LRRC71: variants seen among roughly 807,000 people sequenced by gnomAD.
LRRC71 encodes the protein leucine-rich repeat-containing protein 71.
LRRC71 carries 54 observed loss-of-function variants against 66.6 expected under a neutral mutation model. That is an observed-to-expected ratio of 0.81 (90% CI 0.65 to 1.02). The LOEUF (loss-of-function observed/expected upper bound fraction) is 1.02, where lower values mean the gene tolerates loss of function less well. Ranked by LOEUF, LRRC71 falls within the 50% of genes least tolerant of loss-of-function variation. The probability of loss-of-function intolerance (pLI) is 0.00; values close to 1 mark genes in which losing one functional copy is unlikely to be tolerated. For missense variants in LRRC71, 724 were observed against 718.0 expected (o/e 1.01, Z -0.10); for synonymous variants, 323 against 303.9 (o/e 1.06, Z -0.65).
intron 10 of LRRC71, 93 bp from the exon 11 acceptor site, chr1:156,929,543 A>G: frequency 6.5e-7 from 1 of 1,545,142 alleles, no homozygotes; most frequent in Non-Finnish European, 8.8e-7. Flanking sequence ...AGTTCCCCCT[A>G]AGGCCCCGGG....
At chr1:156,932,085 C>A in intron 13 of LRRC71, 58 bp downstream of exon 13, 3 of 1,377,738 alleles carry the variant, frequency 2.2e-6, no homozygotes, top group Non-Finnish European at 3.0e-6. Flanking sequence ...CCCTGTCCTG[C>A]CTGAGGGTGT....
In LRRC71 at chr1:156,923,947, A is replaced by G; in HGVS notation, c.161-2A>G. ...CTCTCACGCCCCTGCCTGCCCCCGC[A>G]GAGGAGTACCAGTGCTCCGGGGTCC... On this transcript the variant is annotated splice_acceptor_variant, in intron 1 of 14. Coordinates refer to ENST00000337428, the MANE Select transcript of LRRC71 (RefSeq NM_144702.3). LOFTEE classifies it high-confidence loss of function. 1 of 1,485,510 alleles carries G rather than the reference A, an allele frequency of 6.7e-7. No individual in the cohort carries two copies. Among genetic ancestry groups the G allele is most frequent in the Non-Finnish European group, 9.0e-7 (1 of 1,112,710 alleles). 92.0% of individuals were successfully genotyped at this position (1,485,510 alleles called of 1,614,324 possible).
chr1:156,927,085 G>T, intron 5 of LRRC71, 117 bp from the exon 6 acceptor site: 5 of 809,368 alleles, frequency 6.2e-6, no homozygotes, highest in Non-Finnish European at 1.0e-5. Flanking sequence ...TATTGGGGGG[G>T]CAATCCTTTG....
the LRRC71 span, chr1:156,940,076 CT>C: frequency 7.1e-7 from 1 of 1,398,936 alleles, no homozygotes; most frequent in East Asian, 2.4e-5. Context: ...TGACATCTGT[CT>C]CCGCATCCAT....
rs113066082 is a variant in LRRC71, at chr1:156,931,575, C to T, written c.1330-341C>T. 1.3e-3 allele frequency among the ~76,000 whole-genome samples: 198 copies of T among 152,272 alleles called. 1 individual carries two copies. The highest frequency in any genetic ancestry group is 4.5e-3 in the African/African-American group (185 of 41,552). ...TTTCACGCTTCCAGAGCCTTTGCAC[C>T]TGCTTTCTTTGCCTAGAACACCTTT... On this transcript the variant is annotated intron_variant, in intron 12 of 14. Coordinates refer to ENST00000337428, the MANE Select transcript of LRRC71 (RefSeq NM_144702.3).
intron 1 of LRRC71, among the ~76,000 whole-genome samples, chr1:156,921,202 G>C (rs1269141201): frequency 6.6e-6 from 1 of 152,214 alleles, no homozygotes; most frequent in African/African-American, 2.4e-5. Flanking sequence ...AGGCCCAGGG[G>C]GTGAGGGCAT....
chr1:156,924,518 G>T lies in LRRC71; in HGVS notation c.405G>T (p.Glu135Asp). 1 of 1,551,516 alleles carries T rather than the reference G, an allele frequency of 6.4e-7. No individual in the cohort carries two copies. Among genetic ancestry groups the T allele is most frequent in the Non-Finnish European group, 8.7e-7 (1 of 1,147,002 alleles). Residue 135 changes from glutamate (E) to aspartate (D), a missense_variant, in exon 3 of 15, where the codon GAG becomes GAT. By Grantham distance (45) the Glu-to-Asp change is conservative (BLOSUM62 2). Coordinates refer to ENST00000337428, the MANE Select transcript of LRRC71 (RefSeq NM_144702.3). ...CCATCCAGGTGGAGCTGGAGCAGGA[G>T]GACAGCAAGTCAGTGAAGGAAATCT... ...RPTIQVELEQEDSKSVKEIYI... is the reference protein window; with the variant it reads ...RPTIQVELEQDDSKSVKEIYI...
chr1:156,928,363 C>CTCCTTCTTCTTCTTCTTCTTCTTCT (rs1440279180), intron 9 of LRRC71, among the ~76,000 whole-genome samples: 27 of 98,820 alleles, frequency 2.7e-4, no homozygotes, highest in Non-Finnish European at 4.2e-4. Context: ...CTTCTTCTTC[C>CTCCTTCTTCTTCTTCTTCTTCTTCT]TCTTCTTCTT....
chr1:156,927,541 G>A lies in LRRC71; in HGVS notation c.708G>A (p.Gly236=). The change falls in exon 7 of 15, where the codon GGG becomes GGA. Residue 236 remains glycine (G), a synonymous_variant. Coordinates refer to ENST00000337428, the MANE Select transcript of LRRC71 (RefSeq NM_144702.3). Reference sequence around the variant, plus strand: ...GGAACAATAACATCGACGACCGCGGGGCGCAACTCCTGGGCCAGGCGCTGT... The same window carrying A: ...GGAACAATAACATCGACGACCGCGGAGCGCAACTCCTGGGCCAGGCGCTGT... ...SLRNNNIDDR[G]AQLLGQALST... 1.3e-6 allele frequency: 2 copies of A among 1,558,442 alleles called. No homozygotes were observed. The highest frequency in any genetic ancestry group is 2.4e-5 in the South Asian group (2 of 82,074).
chr1:156,936,658 A>G (rs883232), downstream of LRRC71, among the ~76,000 whole-genome samples: 27,638 of 151,552 alleles, frequency 0.18, 3,208 homozygotes, highest in East Asian at 0.44. Context: ...GGACTTCCCT[A>G]AAAAGATCCC....
chr1:156,929,983 A>G (rs1557792696), intron 11 of LRRC71, among the ~76,000 whole-genome samples: 2 of 151,270 alleles, frequency 1.3e-5, no homozygotes, highest in Non-Finnish European at 2.9e-5. Flanking sequence ...AAGAACCCAT[A>G]CACCTAGCTG....
chr1:156,927,895 TGAGCG>T lies in LRRC71; in HGVS notation c.907-19_907-15del. On this transcript the variant is annotated splice_polypyrimidine_tract_variant and intron_variant, in intron 8 of 14. Transcript: ENST00000337428. The stretch of plus-strand genomic sequence containing the variant: ...CCTGACTACCCAGGCGTCCGACCGC[TGAGCG>T]CCCGCCTCCTTCAGGTCCTGCGCGC... 6.2e-7 allele frequency: 1 copy of T among 1,610,668 alleles called. No individual in the cohort carries two copies. The highest frequency in any genetic ancestry group is 8.5e-7 in the Non-Finnish European group (1 of 1,178,624).
chr1:156,933,250 G>A (rs1036710036), downstream of LRRC71, among the ~76,000 whole-genome samples: 2 of 152,246 alleles, frequency 1.3e-5, no homozygotes, highest in African/African-American at 2.4e-5. Flanking sequence ...GGGCATTGCC[G>A]TTCTGCCTCC....
the LRRC71 span, chr1:156,939,898 C>G: frequency 4.4e-6 from 7 of 1,604,774 alleles, no homozygotes; most frequent in Non-Finnish European, 5.9e-6. Context: ...GATCAGATGT[C>G]GCAGGTTCTC....
intron 9 of LRRC71, among the ~76,000 whole-genome samples, chr1:156,928,933 T>C (rs561033813): frequency 6.6e-6 from 1 of 152,262 alleles, no homozygotes; most frequent in South Asian, 2.1e-4. Context: ...GTTGTACCTA[T>C]TTCATGACTG....
chr1:156,924,120 C>G, intron 2 of LRRC71, 22 bp downstream of exon 2: 1 of 1,548,400 alleles, frequency 6.5e-7, no homozygotes, highest in Non-Finnish European at 8.7e-7. Flanking sequence ...TGGAGCTCCC[C>G]GGTGCCTGCC....
rs1571035228 is a variant in LRRC71 at position 156,924,831 on chromosome 1, G to A, written c.516-107G>A. ...GACCCTGGCGACGGTGGGGAGGTCG[G>A]GGGTGGGGGATGAGGAAGGGCACCG... On this transcript the variant is annotated intron_variant, in intron 4 of 14. Transcript: ENST00000337428. The A allele has an allele frequency of 2.7e-6, 4 of 1,502,580 alleles. 1 individual carries two copies. The South Asian group carries it at 3.6e-5, about 14-fold the overall frequency. 93.1% of individuals were successfully genotyped at this position (1,502,580 alleles called of 1,614,324 possible).
intron 9 of LRRC71, 24 bp from the exon 10 acceptor site, chr1:156,929,256 C>T (rs756625582): frequency 2.5e-6 from 4 of 1,583,310 alleles, no homozygotes; most frequent in African/African-American, 2.7e-5. Flanking sequence ...TTCTTCCCCC[C>T]TTCCCTCCCA....
the LRRC71 span, chr1:156,940,023 T>TGGAG: frequency 6.6e-7 from 1 of 1,506,060 alleles, no homozygotes; most frequent in Non-Finnish European, 8.9e-7. Flanking sequence ...CAGGTGAAGC[T>TGGAG]GGAGGGCTCT....
Sources: allele counts gnomAD v4.1 joint callset (sites outside exome capture counted in the v4.1 genomes callset), GRCh38; gene constraint gnomAD v4.1.1; transcripts MANE v1.5; gene names NCBI Gene and HGNC (gene_info 2026-07-23, HGNC 2026-07-21).